The following MTAP variants were observed in gnomAD, a reference collection of about 807,000 sequenced individuals.
MTAP encodes methylthioadenosine phosphorylase.
Under a neutral mutation model 33.6 loss-of-function variants are expected in MTAP, and 33 were observed. That is an observed-to-expected ratio of 0.98 (90% CI 0.74 to 1.31). The LOEUF (loss-of-function observed/expected upper bound fraction) is 1.31. Among genes scored for constraint, MTAP ranks in the 40% most tolerant of loss-of-function variants. The probability of loss-of-function intolerance (pLI) is 0.00; values close to 1 mark genes in which losing one functional copy is unlikely to be tolerated. For synonymous variants in MTAP, 148 were observed against 125.7 expected (o/e 1.18, Z -1.19); for missense variants, 367 against 360.0 (o/e 1.02, Z -0.16).
At chr9:21,920,786 A>G (rs1290223780) in intron 1 of MTAP, among the ~76,000 whole-genome samples, 1 of 152,182 alleles carries the variant, frequency 6.6e-6, no homozygotes, top group African/African-American at 2.4e-5. Context: ...ATGCTAAATG[A>G]TCTTTTTAAT....
intron 5 of MTAP, among the ~76,000 whole-genome samples, chr9:21,854,292 C>T (rs1322397682): frequency 6.6e-6 from 1 of 152,200 alleles, no homozygotes; most frequent in Non-Finnish European, 1.5e-5. Flanking sequence ...AGTCTGTATT[C>T]TCAAACCAGC....
intron 5 of MTAP, among the ~76,000 whole-genome samples, chr9:21,847,967 C>G (rs922873739): frequency 6.8e-4 from 104 of 152,248 alleles, no homozygotes; most frequent in African/African-American, 2.0e-3. Flanking sequence ...TGGGAGGACC[C>G]TGATGAAGCT....
In MTAP at chr9:21,872,463, T is replaced by C. The variant is rs563895977; in HGVS notation, c.147+17593T>C. Among the ~76,000 whole-genome samples the C allele has an allele frequency of 1.2e-4, 18 of 152,352 alleles. No homozygotes were observed. The South Asian group carries it at 2.3e-3, about 19-fold the overall frequency. On this transcript the variant is annotated intron_variant, in intron 1 of 1. Coordinates refer to the MTAP transcript ENST00000577563. ...TTGGCCATTAATCAAATGTCATTTA[T>C]ATCCCAAACTTCATTTTCATTCATT...
rs575306281 is a variant in MTAP at position 21,875,783 on chromosome 9, C to T, written c.147+20913C>T. 3.9e-5 allele frequency among the ~76,000 whole-genome samples: 6 copies of T among 152,202 alleles called. No individual in the cohort carries two copies. The South Asian group carries it at 1.2e-3, about 32-fold the overall frequency. ...ACATATGTACCACATTTTCTTTGTC[C>T]AGTCTGTCATTGGTGGGCATTTAGG... On this transcript the variant is annotated intron_variant, in intron 1 of 1. Coordinates refer to the MTAP transcript ENST00000577563.
intron 4 of MTAP, among the ~76,000 whole-genome samples, chr9:21,821,240 A>C (rs886734822): frequency 2.6e-5 from 4 of 152,208 alleles, no homozygotes; most frequent in Non-Finnish European, 5.9e-5. Flanking sequence ...TTGCCCATTC[A>C]GTATGATATT....
chr9:21,888,553 C>G (rs1206993438), intron 1 of MTAP, among the ~76,000 whole-genome samples: 6 of 152,044 alleles, frequency 3.9e-5, no homozygotes, highest in Non-Finnish European at 8.8e-5. Flanking sequence ...TTGGACTAGT[C>G]TTTTATCATT....
chr9:21,816,834 T>TATC, intron 3 of MTAP, 62 bp downstream of exon 3: 1 of 1,427,434 alleles, frequency 7.0e-7, no homozygotes, highest in Non-Finnish European at 9.7e-7. Flanking sequence ...TAACTTAAAT[T>TATC]CTGGAAAGAG....
In MTAP at chr9:21,862,282, C is replaced by G; in HGVS notation, c.*268C>G. 1 of 641,896 alleles carries G rather than the reference C, an allele frequency of 1.6e-6. No individual in the cohort carries two copies. The highest frequency in any genetic ancestry group is 2.2e-6 in the Non-Finnish European group (1 of 460,626). The allele number at this position is 641,896 out of a possible 1,614,324, so 39.8% of individuals were successfully genotyped here. On this transcript the variant is annotated 3_prime_UTR_variant, in exon 8 of 8. Transcript: ENST00000644715. ...AAGGGGGAAAAAAAAACCCACCATT[C>G]TCTTCTCCCCCTATTAAATTTGCAA...
chr9:21,813,137 C>G (rs1239474966), intron 1 of MTAP, among the ~76,000 whole-genome samples: 1 of 152,226 alleles, frequency 6.6e-6, no homozygotes, highest in Non-Finnish European at 1.5e-5. Flanking sequence ...TACTTCATCC[C>G]AGTTGTACTT....
intron 1 of MTAP, among the ~76,000 whole-genome samples, chr9:21,810,725 C>T (rs538144553): frequency 6.6e-6 from 1 of 152,298 alleles, no homozygotes; most frequent in South Asian, 2.1e-4. Context: ...TTAAAAACGG[C>T]AAATACAGTC....
At position 21,855,261 on chromosome 9, in the gene MTAP, A is replaced by G. The variant is rs771957242; in HGVS notation, c.690+391A>G. Among the ~76,000 whole-genome samples, 73 of 152,202 alleles carry G rather than the reference A, an allele frequency of 4.8e-4. 1 individual carries two copies. The highest frequency in any genetic ancestry group is 9.1e-4 in the Non-Finnish European group (62 of 68,024). ...GAGGGCTGTATGTTCACATCCATCT[A>G]TTTAACGTACCGTGGCTGGATACTC... is the stretch of plus-strand genomic sequence containing the variant. On this transcript the variant is annotated intron_variant, in intron 6 of 7. Transcript: ENST00000644715.
chr9:21,940,047 G>A (rs146588947), downstream of MTAP, among the ~76,000 whole-genome samples: 227 of 152,254 alleles, frequency 1.5e-3, 2 homozygotes, highest in East Asian at 0.038. Context: ...TTGGGAGGCC[G>A]AGGCAGGTGG....
At chr9:21,841,982 A>G (rs1307766761) in intron 5 of MTAP, among the ~76,000 whole-genome samples, 1 of 152,226 alleles carries the variant, frequency 6.6e-6, no homozygotes, top group Non-Finnish European at 1.5e-5. Flanking sequence ...AAGCTACTCA[A>G]GGAAATAGCA....
downstream of MTAP, among the ~76,000 whole-genome samples, chr9:21,938,444 A>AT (rs1819077717): frequency 1.3e-5 from 2 of 151,872 alleles, no homozygotes; most frequent in South Asian, 4.1e-4. Flanking sequence ...GGAAAAAAAA[A>AT]GAAAGAAAGA....
In MTAP at chr9:21,866,219, T is replaced by TA. The variant is rs1370711487; in HGVS notation, c.*4211dup. The TA allele has an allele frequency of 1.3e-5, 2 of 152,226 alleles. No homozygotes were observed. The highest frequency in any genetic ancestry group is 2.4e-5 in the African/African-American group (1 of 41,466). The allele number at this position is 152,226 out of a possible 1,614,324, so 9.4% of individuals were successfully genotyped here. On this transcript the variant is annotated 3_prime_UTR_variant, in exon 8 of 8. Coordinates refer to ENST00000644715, the MANE Select transcript of MTAP (RefSeq NM_002451.4). ...TATCTGTACAAATATTTTTGTTTAT[T>TA]AAAAAATTAGATTGTTTTGTTTTAT...
intron 1 of MTAP, chr9:21,929,434 T>A (rs1260999349): frequency 6.2e-6 from 1 of 162,320 alleles, no homozygotes; most frequent in Non-Finnish European, 1.4e-5. Context: ...TTTCTCTCTC[T>A]CACAATCACC....
chr9:21,809,860 C>T (rs1346955032), intron 1 of MTAP, among the ~76,000 whole-genome samples: 1 of 152,164 alleles, frequency 6.6e-6, no homozygotes, highest in Non-Finnish European at 1.5e-5. Flanking sequence ...CACTGTTGCT[C>T]CACAGGCAAA....
chr9:21,816,822 T>A, intron 3 of MTAP, 50 bp downstream of exon 3: 1 of 1,496,424 alleles, frequency 6.7e-7, no homozygotes, highest in Non-Finnish European at 9.2e-7. Flanking sequence ...ATAATTTAAA[T>A]TTAACTTAAA....
intron 1 of MTAP, among the ~76,000 whole-genome samples, chr9:21,888,411 G>A (rs1818148356): frequency 6.6e-6 from 1 of 152,162 alleles, no homozygotes; most frequent in Non-Finnish European, 1.5e-5. Flanking sequence ...AGTGCTGTCA[G>A]TGAAGTATTG....
Sources: gnomAD v4.1 joint callset for allele counts (sites outside exome capture counted in the v4.1 genomes callset) on GRCh38, gnomAD v4.1.1 for gene constraint, MANE v1.5 for transcripts, NCBI Gene and HGNC (gene_info 2026-07-23, HGNC 2026-07-21) for gene names.